Variants in KIAA0930 observed in about 807,000 individuals in gnomAD.
KIAA0930 encodes uncharacterized protein KIAA0930.
A neutral mutation model predicts 43.9 loss-of-function variants in KIAA0930; 24 were observed. The ratio of observed to expected loss-of-function variants is 0.55; its 90% CI spans 0.40 to 0.77. KIAA0930 has a LOEUF of 0.77. Among genes scored for constraint, KIAA0930 ranks in the 30% least tolerant of loss-of-function variants. The pLI is 0.00. For synonymous variants in KIAA0930, 259 were observed against 216.4 expected (o/e 1.20, Z -1.73); for missense variants, 461 against 574.2 (o/e 0.80, Z 2.02).
chr22:45,223,964 G>T (rs1198251562), intron 1 of KIAA0930, among the ~76,000 whole-genome samples: 1 of 152,168 alleles, frequency 6.6e-6, no homozygotes, highest in Non-Finnish European at 1.5e-5. Context: ...GGGTGGGAAA[G>T]TATTATTACA....
At chr22:45,240,186 G>A (rs1010035415) in intron 1 of KIAA0930, among the ~76,000 whole-genome samples, 1 of 152,210 alleles carries the variant, frequency 6.6e-6, no homozygotes, top group African/African-American at 2.4e-5. Flanking sequence ...CAGTGGCCAG[G>A]GCACGCTCGC....
At chr22:45,203,343 C>T (rs2083606743) in intron 6 of KIAA0930, among the ~76,000 whole-genome samples, 159 bp from the exon 7 acceptor site, 1 of 152,136 alleles carries the variant, frequency 6.6e-6, no homozygotes, top group African/African-American at 2.4e-5. Context: ...GGAATGGACC[C>T]ACATCTCTGC....
At chr22:45,203,274 T>A (rs2083606108) in intron 6 of KIAA0930, 90 bp from the exon 7 acceptor site, 1 of 1,345,048 alleles carries the variant, frequency 7.4e-7, no homozygotes, top group East Asian at 2.4e-5. Flanking sequence ...AGGGCGACCA[T>A]CCCTCAAGGA....
chr22:45,206,718 A>G (rs1219146871), intron 2 of KIAA0930, among the ~76,000 whole-genome samples: 1 of 87,048 alleles, frequency 1.1e-5, no homozygotes, highest in Non-Finnish European at 2.8e-5. Flanking sequence ...TTTTTTTTTG[A>G]GACAGAATCT....
chr22:45,196,808 TG>T lies in KIAA0930; in HGVS notation c.*367del, dbSNP rs1252137113. The T allele has an allele frequency of 1.3e-5, 3 of 238,432 alleles. No individual in the cohort carries two copies. The highest frequency in any genetic ancestry group is 1.6e-5 in the Non-Finnish European group (2 of 123,500). The allele number at this position is 238,432 out of a possible 1,614,324, so 14.8% of individuals were successfully genotyped here. ...CTGGCTGGGTGGTTCCGCCTGCTGC[TG>T]GGGGGACGTGAACATAGACCCGCCG... is the stretch of plus-strand genomic sequence containing the variant. On this transcript the variant is annotated 3_prime_UTR_variant, in exon 10 of 10. Transcript: ENST00000336156. The surrounding 1 kb of genome is among the most constrained non-coding windows in gnomAD (Gnocchi z 4.1).
intron 1 of KIAA0930, among the ~76,000 whole-genome samples, chr22:45,230,575 ACATT>A (rs2083846408): frequency 7.1e-6 from 1 of 141,086 alleles, no homozygotes. Context: ...ACCCCAGATC[ACATT>A]CTTTTTTTTT....
chr22:45,205,132 C>T (rs2083624600), intron 5 of KIAA0930, 85 bp downstream of exon 5: 1 of 1,134,188 alleles, frequency 8.8e-7, no homozygotes, highest in Non-Finnish European at 1.3e-6. Context: ...TGCCTTTCTG[C>T]AAGGCTAAGG....
intron 1 of KIAA0930, among the ~76,000 whole-genome samples, chr22:45,221,127 AT>A (rs1569080790): frequency 1.3e-5 from 2 of 152,144 alleles, no homozygotes; most frequent in African/African-American, 4.8e-5. Context: ...AAACCACCTG[AT>A]TTAAAATTGC....
intron 5 of KIAA0930, among the ~76,000 whole-genome samples, chr22:45,204,653 C>T (rs895910681): frequency 1.3e-4 from 20 of 152,054 alleles, no homozygotes; most frequent in Admixed American, 6.5e-5. Flanking sequence ...AGGGCCTCAA[C>T]AGAGGAGAGA....
intron 7 of KIAA0930, chr22:45,200,261 C>T (rs772578988): frequency 6.0e-5 from 27 of 447,594 alleles, no homozygotes; most frequent in Admixed American, 1.7e-4. Context: ...CAGTGCTACC[C>T]GAGGAGGGGC....
chr22:45,226,677 C>A (rs1374269147), intron 1 of KIAA0930: 1 of 206,314 alleles, frequency 4.8e-6, no homozygotes, highest in Non-Finnish European at 1.0e-5. Flanking sequence ...AAGATCCTAA[C>A]TCACTGCTCT....
chr22:45,216,783 G>GAGA (rs2083735300), intron 1 of KIAA0930, among the ~76,000 whole-genome samples: 1 of 152,040 alleles, frequency 6.6e-6, no homozygotes, highest in Admixed American at 6.6e-5. Flanking sequence ...AAGCAGAGTG[G>GAGA]AGACTTACGG....
intron 1 of KIAA0930, among the ~76,000 whole-genome samples, chr22:45,231,839 A>C (rs2083855607): frequency 1.3e-5 from 2 of 152,118 alleles, no homozygotes; most frequent in African/African-American, 4.8e-5. Context: ...AAAAATACGA[A>C]AAATTAGCTG....
At chr22:45,216,059 A>G (rs1226828567) in intron 1 of KIAA0930, among the ~76,000 whole-genome samples, 1 of 151,708 alleles carries the variant, frequency 6.6e-6, no homozygotes, top group Non-Finnish European at 1.5e-5. Context: ...GAGCAGGGAG[A>G]GTGGAGAGAA....
At chr22:45,227,761 G>A (rs938048647) in intron 1 of KIAA0930, among the ~76,000 whole-genome samples, 12 of 152,212 alleles carry the variant, frequency 7.9e-5, no homozygotes, top group African/African-American at 1.9e-4. Flanking sequence ...GATCCTGGAC[G>A]CAGAGCCTTC....
At chr22:45,198,475 G>A (rs2083557062) in intron 8 of KIAA0930, among the ~76,000 whole-genome samples, 1 of 152,226 alleles carries the variant, frequency 6.6e-6, no homozygotes, top group African/African-American at 2.4e-5. Flanking sequence ...ACAAGAGCAG[G>A]TCGAGGCCAG....
At chr22:45,218,411 T>C (rs973058373) in intron 1 of KIAA0930, among the ~76,000 whole-genome samples, 1 of 134,206 alleles carries the variant, frequency 7.5e-6, no homozygotes, top group African/African-American at 2.9e-5. Flanking sequence ...CTCAAACTCC[T>C]GACCTCAGGT....
At position 45,240,627 on chromosome 22, in the gene KIAA0930, G is replaced by A. The variant is rs1464380563; in HGVS notation, c.64+13C>T. On this transcript the variant is annotated intron_variant, in intron 1 of 9. Transcript: ENST00000336156. ...CCTCTCCCGGCCCGGCCTCGCCCCC[G>A]GGTCCCACTCACCGAGGCCGCAGAC... 4.6e-6 allele frequency: 7 copies of A among 1,520,116 alleles called. No homozygotes were observed. Among genetic ancestry groups the A allele is most frequent in the Non-Finnish European group, 6.2e-6 (7 of 1,137,602 alleles). 94.2% of individuals were successfully genotyped at this position (1,520,116 alleles called of 1,614,324 possible).
rs1417873897 is a variant in KIAA0930, at chr22:45,197,908, C to A, written c.1056G>T (p.Leu352=). Residue 352 remains leucine, a synonymous_variant, in exon 9 of 10, where the codon CTG becomes CTT. Coordinates refer to ENST00000336156, the MANE Select transcript of KIAA0930 (RefSeq NM_001009880.2). The part of the protein sequence containing the change: ...HNATNLRSRS[L]SGTGRSLVGS... ...CGACCAGGGACCGTCCTGTGCCCGA[C>A]AGGGACCGAGACCGCAGGTTGGTTG... The A allele has an allele frequency of 1.2e-6, 2 of 1,614,208 alleles. No homozygotes were observed. Among genetic ancestry groups the A allele is most frequent in the East Asian group, 2.2e-5 (1 of 44,886 alleles).
Sources: gnomAD v4.1 joint callset for allele counts (sites outside exome capture counted in the v4.1 genomes callset) on GRCh38, gnomAD v4.1.1 for gene constraint, Gnocchi (gnomAD v3.1) non-coding constraint, MANE v1.5 for transcripts, NCBI Gene and HGNC (gene_info 2026-07-23, HGNC 2026-07-21) for gene names.